RAD51B: variants seen among roughly 807,000 people sequenced by gnomAD.
RAD51B encodes the protein DNA repair protein RAD51 homolog 2.
RAD51B carries 38 observed loss-of-function variants against 42.2 expected under a neutral mutation model. That is an observed-to-expected ratio of 0.90 (90% confidence interval 0.70 to 1.18). The LOEUF (loss-of-function observed/expected upper bound fraction) is 1.18. RAD51B is among the 50% of genes most tolerant of loss of function. The pLI, the probability that RAD51B is intolerant of heterozygous loss-of-function variation, is 0.00. For missense variants in RAD51B, 373 were observed against 400.7 expected (o/e 0.93, Z 0.59); for synonymous variants, 154 against 145.2 (o/e 1.06, Z -0.43).
At chr14:68,213,127 T>C (rs911325262) in intron 7 of RAD51B, among the ~76,000 whole-genome samples, 2 of 152,218 alleles carry the variant, frequency 1.3e-5, no homozygotes, top group Non-Finnish European at 2.9e-5. Flanking sequence ...AATGTGCTTT[T>C]GCAACAAGTG....
intron 9 of RAD51B, among the ~76,000 whole-genome samples, chr14:68,444,083 A>C (rs2085364634): frequency 6.6e-6 from 1 of 152,190 alleles, no homozygotes; most frequent in South Asian, 2.1e-4. Flanking sequence ...TATCTCTTAC[A>C]TTCTTGTAAA....
At chr14:68,655,232 C>A (rs908251691) in intron 11 of RAD51B, among the ~76,000 whole-genome samples, 1 of 152,080 alleles carries the variant, frequency 6.6e-6, no homozygotes, top group African/African-American at 2.4e-5. Context: ...AATGCAGGAA[C>A]AAGGGGCTGC....
At chr14:67,861,976 G>C (rs925290933) in intron 4 of RAD51B, among the ~76,000 whole-genome samples, 1 of 134,824 alleles carries the variant, frequency 7.4e-6, no homozygotes, top group African/African-American at 3.6e-5. Flanking sequence ...TTCAGTCAGT[G>C]GGGGGGAAGG....
At chr14:67,941,866 T>C (rs995719398) in intron 7 of RAD51B, among the ~76,000 whole-genome samples, 2 of 152,228 alleles carry the variant, frequency 1.3e-5, no homozygotes, top group East Asian at 3.8e-4. Flanking sequence ...CCATGTCTCA[T>C]CTTTTATGCA....
chr14:68,319,667 C>T (rs957081351), intron 8 of RAD51B, among the ~76,000 whole-genome samples: 1 of 152,076 alleles, frequency 6.6e-6, no homozygotes, highest in African/African-American at 2.4e-5. Context: ...CTTCTGTGTT[C>T]CAGCTTTAAC....
chr14:68,352,932 AGT>A (rs1451154119), intron 8 of RAD51B, among the ~76,000 whole-genome samples: 4 of 152,142 alleles, frequency 2.6e-5, no homozygotes, highest in Admixed American at 2.6e-4. Flanking sequence ...TGATGGGAAA[AGT>A]GAGGCTGGTA....
intron 7 of RAD51B, among the ~76,000 whole-genome samples, chr14:68,231,755 A>T (rs1316170): frequency 6.6e-6 from 1 of 152,144 alleles, no homozygotes; most frequent in Admixed American, 6.5e-5. Flanking sequence ...AGAAGCAGAA[A>T]GCTTTGCCTA....
At chr14:68,340,475 A>G (rs1170770758) in intron 8 of RAD51B, among the ~76,000 whole-genome samples, 1 of 152,174 alleles carries the variant, frequency 6.6e-6, no homozygotes, top group African/African-American at 2.4e-5. Flanking sequence ...GAGGGCTGCT[A>G]CCTGTGAGGT....
At chr14:68,486,097 TG>T (rs1883602383) in intron 10 of RAD51B, among the ~76,000 whole-genome samples, 1 of 152,254 alleles carries the variant, frequency 6.6e-6, no homozygotes, top group Non-Finnish European at 1.5e-5. Flanking sequence ...TTATTTTTAG[TG>T]GACGTGAGTC....
intron 10 of RAD51B, among the ~76,000 whole-genome samples, chr14:68,506,536 C>A (rs1400802630): frequency 6.6e-6 from 1 of 152,252 alleles, no homozygotes; most frequent in Non-Finnish European, 1.5e-5. Context: ...CGTGCGCGTG[C>A]ATGTGTGCGT....
chr14:68,143,508 C>G (rs1346895930), intron 7 of RAD51B, among the ~76,000 whole-genome samples: 2 of 152,172 alleles, frequency 1.3e-5, no homozygotes, highest in Admixed American at 1.3e-4. Context: ...ATTTCCTGGC[C>G]CGGCTGCCAT....
At position 67,856,882 on chromosome 14, in the gene RAD51B, T is replaced by A. The variant is rs924782400; in HGVS notation, c.316-8121T>A. On this transcript the variant is annotated intron_variant, in intron 4 of 10. Transcript: ENST00000471583. ...AGTTCTTTTACATTTCTCAAGCAGG[T>A]TGTTGAAACTTTGGCTCTAACTATA... is the stretch of plus-strand genomic sequence containing the variant. Among the ~76,000 whole-genome samples the A allele has an allele frequency of 5.3e-5, 8 of 152,294 alleles. No homozygotes were observed. The South Asian group carries it at 1.7e-3, about 32-fold the overall frequency.
At chr14:68,350,081 CAT>C (rs2082754267) in intron 8 of RAD51B, among the ~76,000 whole-genome samples, 1 of 152,184 alleles carries the variant, frequency 6.6e-6, no homozygotes, top group Non-Finnish European at 1.5e-5. Flanking sequence ...GCTTCCACCA[CAT>C]GTTTACATTG....
chr14:67,860,052 C>A (rs1845775969), intron 4 of RAD51B, among the ~76,000 whole-genome samples: 1 of 152,108 alleles, frequency 6.6e-6, no homozygotes, highest in South Asian at 2.1e-4. Flanking sequence ...GAACTTCCGA[C>A]CTCAGGTGAT....
chr14:68,332,299 A>G lies in RAD51B; in HGVS notation c.853+40319A>G, dbSNP rs142052263. Among the ~76,000 whole-genome samples, 48 of 152,068 alleles carry G rather than the reference A, an allele frequency of 3.2e-4. 1 individual carries two copies. The East Asian group carries it at 9.3e-3, about 29-fold the overall frequency. On this transcript the variant is annotated intron_variant, in intron 8 of 10. Coordinates refer to ENST00000471583, the MANE Select transcript of RAD51B (RefSeq NM_133510.4). ...ATACACACAAACACAAATGAGATAC[A>G]CACACACACACATGTATATTATACA...
At chr14:67,998,923 A>G (rs940280867) in intron 7 of RAD51B, among the ~76,000 whole-genome samples, 17 of 152,078 alleles carry the variant, frequency 1.1e-4, no homozygotes, top group African/African-American at 3.9e-4. Context: ...CCCTGTGTAG[A>G]TTTCCTGAGC....
intron 8 of RAD51B, among the ~76,000 whole-genome samples, chr14:68,304,127 G>A (rs540973304): frequency 1.3e-5 from 2 of 150,630 alleles, no homozygotes; most frequent in African/African-American, 2.4e-5. Context: ...CAGAGATGGC[G>A]CCACTGCACT....
chr14:67,954,610 A>T (rs1489987285), intron 7 of RAD51B, among the ~76,000 whole-genome samples: 1 of 152,210 alleles, frequency 6.6e-6, no homozygotes, highest in African/African-American at 2.4e-5. Flanking sequence ...TGGGTGAACT[A>T]ATCCAAGAAG....
At chr14:68,411,646 T>C in intron 9 of RAD51B, 119 bp downstream of exon 9, 1 of 887,186 alleles carries the variant, frequency 1.1e-6, no homozygotes, top group Non-Finnish European at 1.8e-6. Flanking sequence ...CAGCAGCTAT[T>C]AGGGCCTAAA....
Sources: gnomAD v4.1 joint callset for allele counts (sites outside exome capture counted in the v4.1 genomes callset) on GRCh38, gnomAD v4.1.1 for gene constraint, MANE v1.5 for transcripts, NCBI Gene and HGNC (gene_info 2026-07-23, HGNC 2026-07-21) for gene names.